Variants in ABCA7 observed in about 807,000 individuals in gnomAD.
ABCA7 encodes ATP binding cassette subfamily A member 7, also known as phospholipid-transporting ATPase ABCA7.
ABCA7 carries 261 observed loss-of-function variants against 227.6 expected under a neutral mutation model. That is an observed-to-expected ratio of 1.15 (90% confidence interval 1.04 to 1.27). The LOEUF (loss-of-function observed/expected upper bound fraction) is 1.27, where lower values mean the gene tolerates loss of function less well. Ranked by LOEUF, ABCA7 falls within the 50% of genes most tolerant of loss-of-function variation. The pLI is 0.00. For missense variants in ABCA7, 3,331 were observed against 2,924.5 expected (o/e 1.14, Z -3.21); for synonymous variants, 1,488 against 1,279.7 (o/e 1.16, Z -3.47).
Position 1,064,154 on chromosome 19 carries a change from C to T in ABCA7, c.5952-7C>T. ...CTCACGGAGCTCGTGGTGCCGGGTC[C>T]CGACAGCATGGAGGAGTGTGAAGCG... On this transcript the variant is annotated splice_region_variant and splice_polypyrimidine_tract_variant and intron_variant, in intron 44 of 46. Coordinates refer to ENST00000263094, the MANE Select transcript of ABCA7 (RefSeq NM_019112.4). The T allele has an allele frequency of 1.3e-6, 2 of 1,559,728 alleles. No individual in the cohort carries two copies. Among genetic ancestry groups the T allele is most frequent in the Non-Finnish European group, 1.7e-6 (2 of 1,153,260 alleles).
Position 1,048,999 on chromosome 19 carries a change from C to G in ABCA7, c.2374C>G (p.Pro792Ala), listed in dbSNP as rs761896891. The G allele has an allele frequency of 3.2e-6, 5 of 1,585,814 alleles. No individual in the cohort carries two copies. Among genetic ancestry groups the G allele is most frequent in the East Asian group, 4.5e-5 (2 of 44,430 alleles). The change falls in exon 17 of 47, where the codon CCA (proline) becomes GCA (alanine). Residue 792 changes from proline to alanine, a missense_variant. Physicochemically the swap from Pro to Ala is conservative, Grantham distance 27. Coordinates refer to ENST00000263094, the MANE Select transcript of ABCA7 (RefSeq NM_019112.4). The part of the protein sequence containing the change: ...SPAPCPTPLD[P>A]KVLVEEAPPG... ...AGCCCCTTGCCCCACCCCGCTGGAC[C>G]CAAAGGGTGAGGCACTACGAGGCTT... is the stretch of plus-strand genomic sequence containing the variant.
At chr19:1,042,696 C>A (rs1297291813) in intron 6 of ABCA7, 50 bp from the exon 7 acceptor site, 2 of 1,568,796 alleles carry the variant, frequency 1.3e-6, no homozygotes, top group Non-Finnish European at 8.8e-7. Flanking sequence ...AGCGCTGGAC[C>A]CCTAGTGAGT....
Position 1,044,762 on chromosome 19 carries a change from T to A in ABCA7, c.1215+18T>A. On this transcript the variant is annotated intron_variant, in intron 11 of 46. Transcript: ENST00000263094. ...TGACGGAGGTGAGGGCCTGTCCACC[T>A]GCGGGGTCTGTTTCAGTGGGGAGGG... 1 of 1,580,028 alleles carries A rather than the reference T, an allele frequency of 6.3e-7. No homozygotes were observed.
intron 9 of ABCA7, 94 bp from the exon 10 acceptor site, chr19:1,043,624 AGGATCAG>A: frequency 6.7e-7 from 1 of 1,502,004 alleles, no homozygotes; most frequent in Non-Finnish European, 9.2e-7. Context: ...GCTTGTGCGG[AGGATCAG>A]AGGCACACGC....
rs768484281 is a variant in ABCA7 at position 1,063,555 on chromosome 19, G to A, written c.5724G>A (p.Ser1908=). Residue 1908 remains serine (S), a synonymous_variant, in exon 43 of 47, where the codon TCG becomes TCA. Coordinates refer to ENST00000263094, the MANE Select transcript of ABCA7 (RefSeq NM_019112.4). ...GCCCCACCCCACAGACCGCTGGCTC[G>A]GGCCTGGCGCGTCTGGGACTCTCAT... ...PEAQVAQTAG[S]GLARLGLSWY... is the part of the protein sequence containing the mutation. 2.7e-5 allele frequency: 44 copies of A among 1,610,432 alleles called. No individual in the cohort carries two copies. Among genetic ancestry groups the A allele is most frequent in the Non-Finnish European group, 3.6e-5 (42 of 1,179,886 alleles).
Position 1,055,354 on chromosome 19 carries a change from G to A in ABCA7, c.4205+3G>A, listed in dbSNP as rs914840149. The A allele has an allele frequency of 6.4e-6, 10 of 1,574,270 alleles. No individual in the cohort carries two copies. Among genetic ancestry groups the A allele is most frequent in the East Asian group, 2.3e-5 (1 of 44,412 alleles). On this transcript the variant is annotated splice_donor_region_variant and intron_variant, in intron 30 of 46. Transcript: ENST00000263094. ...TACCCGCGCCTGGTGCGCCAGGGGT[G>A]AGCCATGCCCTGGGACTCAGTTTCC... is the stretch of plus-strand genomic sequence containing the variant.
intron 24 of ABCA7, 88 bp from the exon 25 acceptor site, chr19:1,053,700 A>G: frequency 6.5e-7 from 1 of 1,545,074 alleles, no homozygotes. Context: ...GGCCTGGGGG[A>G]CCCATGGTGT....
At chr19:1,040,368 G>A (rs1179561705) in intron 1 of ABCA7, among the ~76,000 whole-genome samples, 172 bp downstream of exon 1, 2 of 152,152 alleles carry the variant, frequency 1.3e-5, no homozygotes, top group East Asian at 1.9e-4. Flanking sequence ...TCGGACATCT[G>A]GGACCCTTAA....
intron 17 of ABCA7, 104 bp downstream of exon 17, chr19:1,049,109 C>T (rs1023198750): frequency 4.9e-6 from 5 of 1,013,902 alleles, no homozygotes; most frequent in African/African-American, 4.8e-5. Context: ...ACACCCCAAC[C>T]CTCACACCTG....
chr19:1,058,004 T>C lies in ABCA7; in HGVS notation c.4970T>C (p.Phe1657Ser). The change falls in exon 36 of 47, where the codon TTT (phenylalanine) becomes TCT (serine). Residue 1657 changes from phenylalanine (F) to serine (S), a missense_variant. Coordinates refer to ENST00000263094, the MANE Select transcript of ABCA7 (RefSeq NM_019112.4). ...AYVVLTCINL[F>S]IGINGSMATF... is the part of the protein sequence containing the mutation. ...GTGGTGCTCACCTGCATAAACCTCT[T>C]TATTGGCATCAATGGAAGCATGGCC... is the stretch of plus-strand genomic sequence containing the variant. The C allele has an allele frequency of 6.2e-7, 1 of 1,614,076 alleles. No individual in the cohort carries two copies. Among genetic ancestry groups the C allele is most frequent in the South Asian group, 1.1e-5 (1 of 91,078 alleles).
chr19:1,065,168 G>C lies in ABCA7; in HGVS notation c.6282G>C (p.Glu2094Asp). Residue 2094 changes from glutamate (E) to aspartate (D), a missense_variant, in exon 46 of 47, where the codon GAG (glutamate) becomes GAC (aspartate). Transcript: ENST00000263094. ...EDFSVSQTML[E>D]EVFLYFSKDQ... Reference sequence around the variant, plus strand: ...TTTCCGTGAGCCAGACGATGCTGGAGGAGGTGATCACGGCGCCGGGGTCGG... The same window carrying C: ...TTTCCGTGAGCCAGACGATGCTGGACGAGGTGATCACGGCGCCGGGGTCGG... The C allele has an allele frequency of 6.3e-7, 1 of 1,595,040 alleles. No individual in the cohort carries two copies. Among genetic ancestry groups the C allele is most frequent in the Non-Finnish European group, 8.6e-7 (1 of 1,168,716 alleles).
rs1555688307 is a variant in ABCA7, at chr19:1,049,472, C to CCCGGA, written c.2552+37_2552+38insGGACC. On this transcript the variant is annotated intron_variant, in intron 18 of 46. Transcript: ENST00000263094. Reference sequence around the variant, plus strand: ...CAACCACTCCCTCCCCGTGAGCCCCCCCACTCCCACCCCGTGAGCCCCCCC... The same window carrying CCCGGA: ...CAACCACTCCCTCCCCGTGAGCCCCCCCGGACCACTCCCACCCCGTGAGCCCCCCC... The CCCGGA allele has an allele frequency of 2.2e-5, 17 of 787,070 alleles. 1 individual carries two copies. The East Asian group carries it at 7.2e-4, about 33-fold the overall frequency. The allele number at this position is 787,070 out of a possible 1,614,324, so 48.8% of individuals were successfully genotyped here.
Position 1,057,416 on chromosome 19 carries a change from C to T in ABCA7, c.4867C>T (p.Leu1623=), listed in dbSNP as rs1293418540. The change falls in exon 35 of 47, where the codon CTA becomes TTA. Residue 1623 remains leucine (L), a synonymous_variant. Transcript: ENST00000263094. ...PANLPALLLL[L]LLYGWSITPL... ...CAACCTGCCTGCTCTCCTGCTGTTG[C>T]TACTACTGTATGGGTGAGGCCCCCA... 6.2e-7 allele frequency: 1 copy of T among 1,613,884 alleles called. No individual in the cohort carries two copies. Among genetic ancestry groups the T allele is most frequent in the Non-Finnish European group, 8.5e-7 (1 of 1,179,962 alleles).
At position 1,065,039 on chromosome 19, in the gene ABCA7, T is replaced by A. The variant is rs768020065; in HGVS notation, c.6153T>A (p.His2051Gln). The stretch of plus-strand genomic sequence containing the variant: ...CTGGGGCGGAGCTGCGCGAGGCACA[T>A]GGAGGCCGCCTGCGCTTCCAGCTGC... Reference protein sequence around the residue: ...EFPGAELREAHGGRLRFQLPP... With the variant: ...EFPGAELREAQGGRLRFQLPP... Residue 2051 changes from histidine to glutamine, a missense_variant, in exon 46 of 47, where the codon CAT (histidine) becomes CAA (glutamine). Transcript: ENST00000263094. 1.3e-6 allele frequency: 2 copies of A among 1,558,124 alleles called. No homozygotes were observed. The highest frequency in any genetic ancestry group is 1.2e-5 in the South Asian group (1 of 85,568).
At chr19:1,055,653 C>G (rs1431110800) in intron 30 of ABCA7, among the ~76,000 whole-genome samples, 1 of 151,982 alleles carries the variant, frequency 6.6e-6, no homozygotes, top group Non-Finnish European at 1.5e-5. Flanking sequence ...CAGGCACGCA[C>G]CACCACTCCC....
chr19:1,048,617 G>C (rs2040996234), intron 16 of ABCA7, among the ~76,000 whole-genome samples: 1 of 151,562 alleles, frequency 6.6e-6, no homozygotes, highest in Non-Finnish European at 1.5e-5. Flanking sequence ...AGACCATCCT[G>C]GCTAACACGG....
rs2042291743 is a variant in ABCA7, at chr19:1,056,787, G to A, written c.4587-120G>A. 1 of 1,170,562 alleles carries A rather than the reference G, an allele frequency of 8.5e-7. No homozygotes were observed. 72.5% of individuals were successfully genotyped at this position (1,170,562 alleles called of 1,614,324 possible). A position where few individuals can be genotyped will look rare whatever the true frequency, so the allele number is the denominator to read the frequency against. ...GCACCCTCATCCCTAAATTGCCCCT[G>A]CCATCTCTGCCACTGCTGACTGCCC... On this transcript the variant is annotated intron_variant, in intron 33 of 46. Coordinates refer to ENST00000263094, the MANE Select transcript of ABCA7 (RefSeq NM_019112.4). The surrounding 1 kb of genome is among the most constrained non-coding windows in gnomAD (Gnocchi z 4.3).
chr19:1,062,551 C>T (rs939666282), intron 42 of ABCA7, among the ~76,000 whole-genome samples: 2 of 151,974 alleles, frequency 1.3e-5, no homozygotes, highest in Non-Finnish European at 2.9e-5. Flanking sequence ...GTCCACCCAC[C>T]CTTCCTTCCG....
chr19:1,054,641 C>G lies in ABCA7; in HGVS notation c.3798C>G (p.Tyr1266Ter). 6.2e-7 allele frequency: 1 copy of G among 1,613,410 alleles called. No homozygotes were observed. Among genetic ancestry groups the G allele is most frequent in the Non-Finnish European group, 8.5e-7 (1 of 1,179,968 alleles). ...TCATCGTGCCTCCTTTCGGGCACTA[C>G]CCGGCTCTGCGGCTCAGTCCCACCA... ...FSLIVPPFGH[Y>*]PALRLSPTMY... Residue 1266 changes from tyrosine (Y) to a stop codon, truncating the protein, a stop_gained, in exon 28 of 47, where the codon TAC becomes TAG. Transcript: ENST00000263094. LOFTEE classifies it high-confidence loss of function. This position sits in a 1 kb window ranked among gnomAD's most constrained non-coding sequence, Gnocchi z 4.8.
Sources: allele counts gnomAD v4.1 joint callset (sites outside exome capture counted in the v4.1 genomes callset), GRCh38; gene constraint gnomAD v4.1.1; non-coding constraint Gnocchi (gnomAD v3.1); transcripts MANE v1.5; gene names NCBI Gene and HGNC (gene_info 2026-07-23, HGNC 2026-07-21).